ITGAL: variants seen among roughly 807,000 people sequenced by gnomAD.
ITGAL encodes the protein integrin subunit alpha L.
Under a neutral mutation model 138.4 loss-of-function variants are expected in ITGAL, and 68 were observed. That is an observed-to-expected ratio of 0.49 (90% CI 0.40 to 0.60). The LOEUF (loss-of-function observed/expected upper bound fraction) is 0.60, where lower values mean the gene tolerates loss of function less well. ITGAL is among the 20% of genes least tolerant of loss of function. ITGAL has a pLI of 0.00. For synonymous variants in ITGAL, 561 were observed against 584.3 expected (o/e 0.96, Z 0.57); for missense variants, 1,256 against 1,478.6 (o/e 0.85, Z 2.47).
intron 4 of ITGAL, among the ~76,000 whole-genome samples, chr16:30,476,727 A>C (rs924158176): frequency 6.6e-6 from 1 of 150,492 alleles, no homozygotes; most frequent in Non-Finnish European, 1.5e-5. Context: ...CCGCCTCCTG[A>C]GTTCAAACGA....
chr16:30,518,046 C>A lies in ITGAL; in HGVS notation c.3132+151C>A, dbSNP rs35288807. ...TTACACAGTCACAGGTGAAAGAGAA[C>A]AATGATTTCTGTGATATTTGCAATG... On this transcript the variant is annotated intron_variant, in intron 28 of 30. Coordinates refer to ENST00000356798, the MANE Select transcript of ITGAL (RefSeq NM_002209.3). The A allele has an allele frequency of 7.2e-3, 4,805 of 665,326 alleles. 186 individuals are homozygous for A. The highest frequency in any genetic ancestry group is 0.066 in the Admixed American group (2,834 of 42,952). The allele number at this position is 665,326 out of a possible 1,614,324, so 41.2% of individuals were successfully genotyped here. A position where few individuals can be genotyped will look rare whatever the true frequency, so the allele number is the denominator to read the frequency against.
At position 30,510,443 on chromosome 16, in the gene ITGAL, G is replaced by A; in HGVS notation, c.2591G>A (p.Ser864Asn). 2 of 1,611,236 alleles carry A rather than the reference G, an allele frequency of 1.2e-6. No homozygotes were observed. Among genetic ancestry groups the A allele is most frequent in the Non-Finnish European group, 8.5e-7 (1 of 1,177,372 alleles). ...TCCAGGGCATTATCTTGCAATGTGA[G>A]CTCTCCCATCTTCAAAGCAGGCCAC... is the stretch of plus-strand genomic sequence containing the variant. ...LLSRALSCNVSSPIFKAGHSV... is the reference protein window; with the variant it reads ...LLSRALSCNVNSPIFKAGHSV... Residue 864 changes from serine to asparagine, a missense_variant, in exon 22 of 31, where the codon AGC (serine) becomes AAC (asparagine). Ser to Asn is a conservative substitution (Grantham distance 46, BLOSUM62 1). Transcript: ENST00000356798.
At chr16:30,517,328 C>T (rs1000938626) in intron 26 of ITGAL, among the ~76,000 whole-genome samples, 1 of 152,076 alleles carries the variant, frequency 6.6e-6, no homozygotes, top group East Asian at 1.9e-4. Context: ...CATGGTGGCC[C>T]GTGCCCGTGG....
intron 4 of ITGAL, among the ~76,000 whole-genome samples, chr16:30,476,526 C>T (rs1026589497): frequency 5.9e-5 from 9 of 151,636 alleles, no homozygotes; most frequent in Admixed American, 5.3e-4. Context: ...TAGGAAGAGG[C>T]TGAAGTTAAA....
At chr16:30,515,450 T>C (rs1194806127) in intron 25 of ITGAL, among the ~76,000 whole-genome samples, 1 of 152,206 alleles carries the variant, frequency 6.6e-6, no homozygotes, top group East Asian at 1.9e-4. Context: ...AGCCACTCTC[T>C]TCCTCTGCCA....
In ITGAL at chr16:30,479,357, G is replaced by C. The variant is rs775811049; in HGVS notation, c.472G>C (p.Val158Leu). The C allele has an allele frequency of 6.2e-7, 1 of 1,614,124 alleles. No individual in the cohort carries two copies. Among genetic ancestry groups the C allele is most frequent in the Admixed American group, 1.7e-5 (1 of 60,012 alleles). Residue 158 changes from valine to leucine, a missense_variant, in exon 6 of 31, where the codon GTA (valine) becomes CTA (leucine). Around this residue, in one of 3 missense-constraint regions of ITGAL, gnomAD observed 212 missense variants for 217.4 expected, o/e 0.98. Transcript: ENST00000356798. ...QECIKGNVDLVFLFDGSMSLQ... is the reference protein window; with the variant it reads ...QECIKGNVDLLFLFDGSMSLQ... ...ATGTATCAAGGGCAACGTAGACCTG[G>C]TATTTCTGTTTGATGGTTCGATGAG... is the stretch of plus-strand genomic sequence containing the variant.
intron 6 of ITGAL, among the ~76,000 whole-genome samples, chr16:30,479,850 C>A (rs540967654): frequency 1.7e-4 from 26 of 152,062 alleles, no homozygotes; most frequent in African/African-American, 6.3e-4. Context: ...TGGTGTTTCA[C>A]CATGTTGCCA....
Position 30,499,450 on chromosome 16 carries a change from C to T in ITGAL, c.2106C>T (p.Thr702=). ...AACTCAGAAGGAATATAGCTGTCACCACCAGCATGTCATGCACTGACTTCT... is the reference window on the plus strand; with the variant it reads ...AACTCAGAAGGAATATAGCTGTCACTACCAGCATGTCATGCACTGACTTCT... ...RHELRRNIAV[T]TSMSCTDFSF... The change falls in exon 17 of 31, where the codon ACC becomes ACT. Residue 702 remains threonine, a synonymous_variant. Coordinates refer to ENST00000356798, the MANE Select transcript of ITGAL (RefSeq NM_002209.3). 4.3e-6 allele frequency: 7 copies of T among 1,613,920 alleles called. No individual in the cohort carries two copies. Among genetic ancestry groups the T allele is most frequent in the Non-Finnish European group, 5.9e-6 (7 of 1,180,018 alleles).
At chr16:30,512,325 A>G (rs1237270123) in intron 24 of ITGAL, among the ~76,000 whole-genome samples, 4 of 152,032 alleles carry the variant, frequency 2.6e-5, no homozygotes, top group Non-Finnish European at 5.9e-5. Flanking sequence ...GGTGGCTCAC[A>G]CCTGTAATCC....
At chr16:30,497,846 C>T (rs2151159622) in intron 15 of ITGAL, among the ~76,000 whole-genome samples, 1 of 151,518 alleles carries the variant, frequency 6.6e-6, no homozygotes, top group Middle Eastern at 3.4e-3. Context: ...ACTTGGGAGG[C>T]TAAGGCAGGA....
Position 30,511,121 on chromosome 16 carries a change from A to G in ITGAL, c.2771A>G (p.Asn924Ser), listed in dbSNP as rs1254650384. 1.9e-6 allele frequency: 3 copies of G among 1,613,126 alleles called. No individual in the cohort carries two copies. The highest frequency in any genetic ancestry group is 2.5e-6 in the Non-Finnish European group (3 of 1,179,344). ...ATCATCCCCATCCTGTACCCCATCA[A>G]CATCCTCATCCAGGAGTAAGTTCTT... ...TTIIPILYPI[N>S]ILIQDQEDST... Residue 924 changes from asparagine (N) to serine (S), a missense_variant, in exon 24 of 31, where the codon AAC (asparagine) becomes AGC (serine). Physicochemically the swap from Asn to Ser is conservative, Grantham distance 46. Transcript: ENST00000356798.
intron 17 of ITGAL, among the ~76,000 whole-genome samples, chr16:30,502,766 C>A (rs1001829508): frequency 4.6e-5 from 7 of 150,860 alleles, no homozygotes; most frequent in Non-Finnish European, 8.9e-5. Context: ...AAAAAAAATT[C>A]ATATAAGACA....
chr16:30,499,733 A>ATATATATATATATATATATATTT, intron 17 of ITGAL, among the ~76,000 whole-genome samples: 1 of 88,386 alleles, frequency 1.1e-5, no homozygotes, highest in Non-Finnish European at 1.9e-5. Flanking sequence ...ATATATATAT[A>ATATATATATATATATATATATTT]TTTTTTTTTT....
At chr16:30,481,283 T>C (rs1597067392) in intron 6 of ITGAL, 156 bp from the exon 7 acceptor site, 1 of 585,620 alleles carries the variant, frequency 1.7e-6, no homozygotes, top group East Asian at 3.1e-5. Flanking sequence ...GAGGCAGAGG[T>C]TGCAGTGAGC....
chr16:30,493,252 TTTTA>T (rs1484970387), intron 11 of ITGAL, among the ~76,000 whole-genome samples: 3 of 131,426 alleles, frequency 2.3e-5, no homozygotes, highest in Admixed American at 1.6e-4. Context: ...TACCATTTTA[TTTTA>T]TTTTATTTTA....
At chr16:30,503,203 TTCAACAATTA>T (rs1442172527) in intron 17 of ITGAL, among the ~76,000 whole-genome samples, 2 of 152,128 alleles carry the variant, frequency 1.3e-5, no homozygotes, top group African/African-American at 4.8e-5. Flanking sequence ...ATCACCCAGT[TTCAACAATTA>T]TCGACTCACC....
Position 30,510,413 on chromosome 16 carries a change from T to G in ITGAL, c.2561T>G (p.Leu854Arg). The change falls in exon 22 of 31, where the codon CTT becomes CGT. Residue 854 changes from leucine (L) to arginine (R), a missense_variant. Physicochemically the swap from Leu to Arg is moderately radical, Grantham distance 102 (BLOSUM62 -2). Around this residue, in one of 3 missense-constraint regions of ITGAL, gnomAD observed 867 missense variants for 972.5 expected, o/e 0.89. Coordinates refer to ENST00000356798, the MANE Select transcript of ITGAL (RefSeq NM_002209.3). ...GAGGAGCTTCCTGAAGAGTCCAGGC[T>G]TCTGTCCAGGGCATTATCTTGCAAT... ...SCEELPEESRLLSRALSCNVS... is the reference protein window; with the variant it reads ...SCEELPEESRRLSRALSCNVS... The G allele has an allele frequency of 6.2e-7, 1 of 1,613,670 alleles. No homozygotes were observed. The highest frequency in any genetic ancestry group is 8.5e-7 in the Non-Finnish European group (1 of 1,179,564).
At chr16:30,506,397 CAAAAAA>C (rs34457944) in intron 20 of ITGAL, among the ~76,000 whole-genome samples, 5 of 142,766 alleles carry the variant, frequency 3.5e-5, no homozygotes. Flanking sequence ...ACTTAAAATA[CAAAAAA>C]AAAAAATTAG....
intron 18 of ITGAL, among the ~76,000 whole-genome samples, chr16:30,504,664 C>T (rs1567482397): frequency 2.0e-5 from 3 of 151,182 alleles, no homozygotes; most frequent in Admixed American, 6.6e-5. Context: ...GCTATGATTG[C>T]ACCACTGCCC....
Sources: allele counts gnomAD v4.1 joint callset (sites outside exome capture counted in the v4.1 genomes callset), GRCh38; gene constraint gnomAD v4.1.1; regional missense constraint gnomAD v4.1.1; transcripts MANE v1.5; gene names NCBI Gene and HGNC (gene_info 2026-07-23, HGNC 2026-07-21).